ANKRD11: variants seen among roughly 807,000 people sequenced by gnomAD.
ANKRD11 encodes the protein ankyrin repeat domain-containing protein 11.
Under a neutral mutation model 195.7 loss-of-function variants are expected in ANKRD11, and 17 were observed. The observed-to-expected ratio is 0.09, with a 90% CI of 0.06 to 0.13. The LOEUF (loss-of-function observed/expected upper bound fraction) is 0.13. Among genes scored for constraint, ANKRD11 ranks in the 10% least tolerant of loss-of-function variants. The pLI, the probability that ANKRD11 is intolerant of heterozygous loss-of-function variation, is 1.00. For synonymous variants in ANKRD11, 1,953 were observed against 1,528.1 expected, an observed-to-expected ratio of 1.28 and a Z score of -6.49; for missense variants, 3,735 against 3,566.1, an observed-to-expected ratio of 1.05 and a Z score of -1.21.
intron 2 of ANKRD11, among the ~76,000 whole-genome samples, chr16:89,342,539 C>A (rs1164200038): frequency 6.6e-6 from 1 of 152,246 alleles, no homozygotes; most frequent in African/African-American, 2.4e-5. Context: ...GTGGCTCTCT[C>A]CTAGCACACC....
intron 1 of ANKRD11, among the ~76,000 whole-genome samples, chr16:89,451,332 C>T (rs1387027516): frequency 1.3e-5 from 2 of 151,766 alleles, no homozygotes; most frequent in Non-Finnish European, 1.5e-5. Flanking sequence ...AACAGATTAA[C>T]TGTGAATTGA....
chr16:89,411,012 G>C (rs1040827415), intron 2 of ANKRD11, among the ~76,000 whole-genome samples: 1 of 152,220 alleles, frequency 6.6e-6, no homozygotes, highest in African/African-American at 2.4e-5. Context: ...CCTGCAGAGA[G>C]AAGGGTGGCC....
intron 1 of ANKRD11, among the ~76,000 whole-genome samples, chr16:89,478,443 C>A (rs1292403204): frequency 1.3e-5 from 2 of 152,164 alleles, no homozygotes; most frequent in African/African-American, 2.4e-5. Context: ...CACACCACAA[C>A]TGAACATCCT....
chr16:89,355,194 G>C (rs1478288684), intron 2 of ANKRD11, among the ~76,000 whole-genome samples: 1 of 152,156 alleles, frequency 6.6e-6, no homozygotes, highest in African/African-American at 2.4e-5. Flanking sequence ...ACCTATGCTG[G>C]TGATGCTCGG....
At chr16:89,295,074 G>C (rs185965775) in intron 4 of ANKRD11, among the ~76,000 whole-genome samples, 12 of 152,216 alleles carry the variant, frequency 7.9e-5, no homozygotes, top group Non-Finnish European at 1.8e-4. Flanking sequence ...TGGAAAACTG[G>C]CAAGTCTAGG....
chr16:89,354,243 C>CAAAAAA (rs5818711), intron 2 of ANKRD11, among the ~76,000 whole-genome samples: 1 of 126,236 alleles, frequency 7.9e-6, no homozygotes, highest in Non-Finnish European at 1.7e-5. Context: ...TGCATTCAGC[C>CAAAAAA]AAAAAAAAAA....
chr16:89,472,658 G>A (rs118106946), intron 1 of ANKRD11, among the ~76,000 whole-genome samples: 105 of 152,292 alleles, frequency 6.9e-4, no homozygotes, highest in South Asian at 1.7e-3. Context: ...TGTGCACACC[G>A]TTTAAATACT....
intron 3 of ANKRD11, among the ~76,000 whole-genome samples, chr16:89,310,328 C>A (rs1039345840): frequency 2.0e-5 from 3 of 152,264 alleles, no homozygotes; most frequent in Admixed American, 2.0e-4. Flanking sequence ...AGGAAGCACA[C>A]TACCTCATGC....
chr16:89,271,228 C>A, intron 11 of ANKRD11: 1 of 407,512 alleles, frequency 2.5e-6, no homozygotes, highest in South Asian at 2.3e-5. Context: ...CTGCCAACTC[C>A]TGGGAGAGAC....
chr16:89,430,657 T>C (rs963781627), intron 1 of ANKRD11, among the ~76,000 whole-genome samples: 1 of 152,238 alleles, frequency 6.6e-6, no homozygotes, highest in Non-Finnish European at 1.5e-5. Context: ...GAATGGCTGA[T>C]TGGCAGGCAT....
intron 2 of ANKRD11, among the ~76,000 whole-genome samples, chr16:89,385,839 G>A (rs933470425): frequency 1.3e-5 from 2 of 152,236 alleles, no homozygotes; most frequent in African/African-American, 2.4e-5. Context: ...CGGGGATTAG[G>A]CCAGACACCA....
chr16:89,376,114 C>T (rs1015688363), intron 2 of ANKRD11, among the ~76,000 whole-genome samples: 8 of 152,102 alleles, frequency 5.3e-5, no homozygotes, highest in African/African-American at 7.2e-5. Flanking sequence ...TCACTGAAAA[C>T]GCAGCTTTAA....
At chr16:89,478,282 T>C (rs1014941451) in intron 1 of ANKRD11, among the ~76,000 whole-genome samples, 2 of 151,816 alleles carry the variant, frequency 1.3e-5, no homozygotes, top group African/African-American at 4.8e-5. Flanking sequence ...GAAACAGACA[T>C]GCACGTCGGA....
chr16:89,456,169 G>A (rs1440748905), intron 1 of ANKRD11, among the ~76,000 whole-genome samples: 1 of 151,796 alleles, frequency 6.6e-6, no homozygotes, highest in Non-Finnish European at 1.5e-5. Context: ...GAACCCAGGA[G>A]GCGGATGTTG....
intron 3 of ANKRD11, among the ~76,000 whole-genome samples, chr16:89,315,306 C>A (rs995052711): frequency 1.3e-5 from 2 of 152,208 alleles, no homozygotes; most frequent in African/African-American, 4.8e-5. Context: ...CCCAACCCCA[C>A]GAGATGAGGA....
intron 3 of ANKRD11, among the ~76,000 whole-genome samples, chr16:89,311,405 ACTGT>A (rs1305206495): frequency 5.3e-5 from 8 of 152,216 alleles, no homozygotes; most frequent in African/African-American, 1.9e-4. Context: ...TAACACAACA[ACTGT>A]CTATCTAGAT....
rs939790371 is a variant in ANKRD11, at chr16:89,291,333, C to T, written c.227-150G>A. ...AGGTCTGTGTATGGGGAAAGCACAG[C>T]GGTGCTGGGAGCATTGGTGCCGCCC... On this transcript the variant is annotated intron_variant, in intron 4 of 12. Transcript: ENST00000301030. This position sits in a 1 kb window ranked among gnomAD's most constrained non-coding sequence, Gnocchi z 5.3. 6.7e-6 allele frequency: 7 copies of T among 1,044,170 alleles called. No individual in the cohort carries two copies. Among genetic ancestry groups the T allele is most frequent in the South Asian group, 4.3e-5 (3 of 69,466 alleles). 64.7% of individuals were successfully genotyped at this position (1,044,170 alleles called of 1,614,324 possible).
intron 2 of ANKRD11, among the ~76,000 whole-genome samples, chr16:89,346,435 T>G (rs568465399): frequency 1.3e-5 from 2 of 151,978 alleles, no homozygotes; most frequent in African/African-American, 4.8e-5. Context: ...AATAATCACA[T>G]AGAAAATAAC....
intron 2 of ANKRD11, among the ~76,000 whole-genome samples, chr16:89,389,525 A>G (rs917214774): frequency 1.3e-5 from 2 of 152,198 alleles, no homozygotes; most frequent in African/African-American, 4.8e-5. Flanking sequence ...GTCAAAAACT[A>G]AAAACACGGA....
Sources: allele counts gnomAD v4.1 joint callset (sites outside exome capture counted in the v4.1 genomes callset), GRCh38; gene constraint gnomAD v4.1.1; non-coding constraint Gnocchi (gnomAD v3.1); transcripts MANE v1.5; gene names NCBI Gene and HGNC (gene_info 2026-07-23, HGNC 2026-07-21).